The following MARK3 variants were observed in gnomAD, a reference collection of about 807,000 sequenced individuals.
MARK3 encodes the protein MAP/microtubule affinity-regulating kinase 3.
In MARK3, 46 loss-of-function variants were observed where a neutral mutation model predicts 90.1. That is an observed-to-expected ratio of 0.51 (90% confidence interval 0.40 to 0.65). MARK3 has a LOEUF of 0.65. MARK3 is among the 30% of genes least tolerant of loss of function. The pLI is 0.00. For synonymous variants in MARK3, 321 were observed against 332.6 expected (o/e 0.97, Z 0.38); for missense variants, 818 against 947.2 (o/e 0.86, Z 1.79).
At chr14:103,432,996 G>T (rs1004600059) in intron 3 of MARK3, among the ~76,000 whole-genome samples, 9 of 152,062 alleles carry the variant, frequency 5.9e-5, no homozygotes, top group Non-Finnish European at 1.3e-4. Context: ...GTTAATGTCA[G>T]GTTACTTCAC....
intron 6 of MARK3, among the ~76,000 whole-genome samples, chr14:103,459,965 CCCCTT>C (rs1336592380): frequency 4.7e-5 from 7 of 150,530 alleles, no homozygotes; most frequent in African/African-American, 1.7e-4. Flanking sequence ...GATGGGTTTT[CCCCTT>C]CTGCTTCCTT....
intron 3 of MARK3, among the ~76,000 whole-genome samples, chr14:103,437,892 G>T (rs974908958): frequency 6.6e-6 from 1 of 152,138 alleles, no homozygotes; most frequent in Non-Finnish European, 1.5e-5. Flanking sequence ...TTAGTGAGTG[G>T]TACAGCTGGG....
intron 14 of MARK3, among the ~76,000 whole-genome samples, chr14:103,482,316 T>C (rs2141884944): frequency 6.6e-6 from 1 of 151,324 alleles, no homozygotes; most frequent in African/African-American, 2.4e-5. Flanking sequence ...AGGTCAGGAG[T>C]TCGTGACCAG....
intron 1 of MARK3, among the ~76,000 whole-genome samples, chr14:103,395,652 G>C (rs1163715935): frequency 6.6e-6 from 1 of 152,140 alleles, no homozygotes; most frequent in African/African-American, 2.4e-5. Flanking sequence ...TGAGAAAGTT[G>C]CTCAGAGGTA....
At chr14:103,452,660 A>G (rs2093179048) in intron 5 of MARK3, among the ~76,000 whole-genome samples, 1 of 150,556 alleles carries the variant, frequency 6.6e-6, no homozygotes, top group Non-Finnish European at 1.5e-5. Flanking sequence ...TTTAGTAGAG[A>G]CGGGGTTTCA....
intron 13 of MARK3, among the ~76,000 whole-genome samples, chr14:103,479,714 C>T (rs1156901848): frequency 7.1e-6 from 1 of 141,518 alleles, no homozygotes; most frequent in Non-Finnish European, 1.5e-5. Context: ...CTCACCGCAA[C>T]CTCTACCTCC....
At chr14:103,488,416 T>C (rs1374294063) in intron 14 of MARK3, among the ~76,000 whole-genome samples, 1 of 152,206 alleles carries the variant, frequency 6.6e-6, no homozygotes, top group Non-Finnish European at 1.5e-5. Flanking sequence ...AATCTCATTA[T>C]TGTTGCTGCA....
intron 5 of MARK3, among the ~76,000 whole-genome samples, chr14:103,456,509 C>T (rs2093281359): frequency 6.6e-6 from 1 of 152,216 alleles, no homozygotes; most frequent in African/African-American, 2.4e-5. Flanking sequence ...ATTGTCCACA[C>T]CCTCAAGTAG....
intron 15 of MARK3, among the ~76,000 whole-genome samples, chr14:103,494,236 CAAAA>C (rs71126032): frequency 1.3e-5 from 1 of 79,856 alleles, no homozygotes; most frequent in Non-Finnish European, 2.4e-5. Flanking sequence ...GACTCCATCT[CAAAA>C]AAAAAAAAAA....
chr14:103,411,913 G>A (rs537763620), intron 2 of MARK3, among the ~76,000 whole-genome samples: 5 of 149,934 alleles, frequency 3.3e-5, no homozygotes, highest in African/African-American at 7.4e-5. Flanking sequence ...GAGCCACCAC[G>A]CCCGGCCAAT....
At chr14:103,465,215 A>C (rs750683756) in intron 7 of MARK3, among the ~76,000 whole-genome samples, 2 of 152,040 alleles carry the variant, frequency 1.3e-5, no homozygotes, top group Non-Finnish European at 2.9e-5. Context: ...TGATTCGTCC[A>C]CCTCGGCCTC....
chr14:103,496,281 G>T (rs1476456463), intron 15 of MARK3, among the ~76,000 whole-genome samples: 1 of 152,052 alleles, frequency 6.6e-6, no homozygotes, highest in Non-Finnish European at 1.5e-5. Context: ...TGATTTTTCC[G>T]GTGGAAGATT....
chr14:103,428,154 C>T (rs2141037542), intron 2 of MARK3, among the ~76,000 whole-genome samples: 1 of 152,214 alleles, frequency 6.6e-6, no homozygotes, highest in African/African-American at 2.4e-5. Context: ...CTATTAGGGT[C>T]TCTTGTATTT....
At chr14:103,404,269 AG>A (rs2091141258) in intron 1 of MARK3, among the ~76,000 whole-genome samples, 1 of 152,282 alleles carries the variant, frequency 6.6e-6, no homozygotes, top group African/African-American at 2.4e-5. Context: ...AAACGTGTAA[AG>A]GGGGTGGAAA....
chr14:103,502,387 A>T (rs940596392), intron 17 of MARK3, among the ~76,000 whole-genome samples: 1 of 152,274 alleles, frequency 6.6e-6, no homozygotes, highest in South Asian at 2.1e-4. Context: ...AGGGCTGTAC[A>T]GCAAAGCAAT....
intron 2 of MARK3, among the ~76,000 whole-genome samples, chr14:103,421,160 A>G (rs964394946): frequency 2.2e-4 from 33 of 152,334 alleles, no homozygotes; most frequent in African/African-American, 7.7e-4. Flanking sequence ...AGTGTGCGTT[A>G]CAGTGCTGTG....
chr14:103,425,988 C>T (rs1266675984), intron 2 of MARK3, among the ~76,000 whole-genome samples: 1 of 152,184 alleles, frequency 6.6e-6, no homozygotes, highest in East Asian at 1.9e-4. Flanking sequence ...TGTTAATGTA[C>T]ATAATGCAGC....
intron 1 of MARK3, among the ~76,000 whole-genome samples, chr14:103,395,547 A>G (rs1359802041): frequency 6.6e-6 from 1 of 151,920 alleles, no homozygotes; most frequent in African/African-American, 2.4e-5. Context: ...CTTCACCCAT[A>G]TCCTAGGGAT....
intron 17 of MARK3, among the ~76,000 whole-genome samples, chr14:103,501,099 A>G (rs569242483): frequency 1.3e-5 from 2 of 152,282 alleles, no homozygotes; most frequent in African/African-American, 4.8e-5. Context: ...TGGTCTTTCT[A>G]AAAGCCCGCT....
Sources: gnomAD v4.1 joint callset for allele counts (sites outside exome capture counted in the v4.1 genomes callset) on GRCh38, gnomAD v4.1.1 for gene constraint, MANE v1.5 for transcripts, NCBI Gene and HGNC (gene_info 2026-07-23, HGNC 2026-07-21) for gene names.